The following EVC2 variants were observed in gnomAD, a reference collection of about 807,000 sequenced individuals.
EVC2 encodes limbin.
In EVC2, 148 loss-of-function variants were observed where a neutral mutation model predicts 149.3. That is an observed-to-expected ratio of 0.99 (90% confidence interval 0.87 to 1.14). The LOEUF is 1.14. EVC2 is among the 50% of genes most tolerant of loss of function. The probability of loss-of-function intolerance (pLI) is 0.00; values close to 1 mark genes in which losing one functional copy is unlikely to be tolerated. For synonymous variants in EVC2, 776 were observed against 649.9 expected (o/e 1.19, Z -2.95); for missense variants, 1,854 against 1,627.3 (o/e 1.14, Z -2.40).
intron 3 of EVC2, among the ~76,000 whole-genome samples, chr4:5,692,941 T>C (rs542536339): frequency 7.4e-6 from 1 of 135,602 alleles, no homozygotes; most frequent in Non-Finnish European, 1.6e-5. Context: ...ACGCGGACAA[T>C]ATGCAACAGC....
chr4:5,708,527 C>G lies in EVC2; in HGVS notation c.-14G>C. Reference sequence around the variant, plus strand: ...CGAGGGGTCCATCGCCTGTCGGGACCCGCTACCTCAAAGCGGCGGGTGCCG... The same window carrying G: ...CGAGGGGTCCATCGCCTGTCGGGACGCGCTACCTCAAAGCGGCGGGTGCCG... On this transcript the variant is annotated 5_prime_UTR_variant, in exon 1 of 22. Coordinates refer to ENST00000344408, the MANE Select transcript of EVC2 (RefSeq NM_147127.5). 1 of 1,438,588 alleles carries G rather than the reference C, an allele frequency of 7.0e-7. No individual in the cohort carries two copies. The highest frequency in any genetic ancestry group is 9.1e-7 in the Non-Finnish European group (1 of 1,102,590). 89.1% of individuals were successfully genotyped at this position (1,438,588 alleles called of 1,614,324 possible).
chr4:5,538,388 T>C (rs1026547177), downstream of EVC2, among the ~76,000 whole-genome samples: 2 of 152,120 alleles, frequency 1.3e-5, no homozygotes. Flanking sequence ...TTTGAACAAA[T>C]ATTTAAGGAA....
In EVC2 at chr4:5,636,448, G is replaced by A. The variant is rs1716895561; in HGVS notation, c.1470+4066C>T. Reference sequence around the variant, plus strand: ...ACATACAGACTATTTTTTTCTTGTTGTTATTCCCTAAACAACATTCCCTAA... The same window carrying A: ...ACATACAGACTATTTTTTTCTTGTTATTATTCCCTAAACAACATTCCCTAA... On this transcript the variant is annotated intron_variant, in intron 10 of 21. Coordinates refer to ENST00000344408, the MANE Select transcript of EVC2 (RefSeq NM_147127.5). This position sits in a 1 kb window ranked among gnomAD's most constrained non-coding sequence, Gnocchi z 4.6. Among the ~76,000 whole-genome samples, 1 of 151,892 alleles carries A rather than the reference G, an allele frequency of 6.6e-6. No individual in the cohort carries two copies.
At chr4:5,655,877 C>A (rs985739999) in intron 9 of EVC2, among the ~76,000 whole-genome samples, 9 of 152,178 alleles carry the variant, frequency 5.9e-5, no homozygotes, top group Middle Eastern at 3.4e-3. Flanking sequence ...GTAAAACTGA[C>A]CACCACCCCA....
chr4:5,595,834 C>T (rs1713355035), intron 16 of EVC2, among the ~76,000 whole-genome samples: 1 of 152,170 alleles, frequency 6.6e-6, no homozygotes, highest in African/African-American at 2.4e-5. Flanking sequence ...ATCTCACATG[C>T]AGAGACACAC....
chr4:5,574,614 T>TG, intron 19 of EVC2, 71 bp downstream of exon 19: 1 of 1,471,648 alleles, frequency 6.8e-7, no homozygotes. Context: ...TGAGGAAATG[T>TG]GGATTCTGAG....
chr4:5,688,912 C>G (rs1296581699), intron 5 of EVC2, among the ~76,000 whole-genome samples: 1 of 152,108 alleles, frequency 6.6e-6, no homozygotes, highest in Non-Finnish European at 1.5e-5. Flanking sequence ...AAATTTCCCA[C>G]AACTCTTTCC....
downstream of EVC2, among the ~76,000 whole-genome samples, chr4:5,538,063 G>GAAAAAAAAAAA (rs34937866): frequency 1.8e-5 from 2 of 112,336 alleles, no homozygotes; most frequent in African/African-American, 3.4e-5. Flanking sequence ...GAAAGAAATA[G>GAAAAAAAAAAA]AAAAAAAAAA....
Position 5,562,563 on chromosome 4 carries a change from T to G in EVC2, c.*285A>C. ...AGACCATAGCTTCTGCAGCAGAGGA[T>G]GGGGTGTGGATTGCAGGGTGGGGGT... On this transcript the variant is annotated 3_prime_UTR_variant, in exon 22 of 22. Transcript: ENST00000344408. The surrounding 1 kb of genome is among the most constrained non-coding windows in gnomAD (Gnocchi z 4.3). The G allele has an allele frequency of 1.7e-5, 22 of 1,311,628 alleles. No individual in the cohort carries two copies. The highest frequency in any genetic ancestry group is 6.7e-5 in the Admixed American group (2 of 29,844). 81.2% of individuals were successfully genotyped at this position (1,311,628 alleles called of 1,614,324 possible).
At chr4:5,687,543 G>A (rs1360749311) in intron 5 of EVC2, among the ~76,000 whole-genome samples, 1 of 152,148 alleles carries the variant, frequency 6.6e-6, no homozygotes, top group African/African-American at 2.4e-5. Flanking sequence ...GAAGGGGCAG[G>A]TAGTCTCTGT....
intron 1 of EVC2, among the ~76,000 whole-genome samples, chr4:5,701,336 T>G (rs531149769): frequency 3.9e-5 from 6 of 152,224 alleles, no homozygotes; most frequent in Admixed American, 1.3e-4. Context: ...TTGTATAATG[T>G]CAATTCCCAT....
chr4:5,646,972 G>A (rs1717764158), intron 9 of EVC2, among the ~76,000 whole-genome samples: 1 of 152,140 alleles, frequency 6.6e-6, no homozygotes. Context: ...TATACCTTGC[G>A]GGAACCTTGG....
At chr4:5,616,569 C>T (rs565206622) in intron 15 of EVC2, among the ~76,000 whole-genome samples, 2 of 152,322 alleles carry the variant, frequency 1.3e-5, no homozygotes, top group East Asian at 1.9e-4. Context: ...AACATTGCTC[C>T]ACCTGGCCCC....
Position 5,544,984 on chromosome 4 carries a change from T to C in EVC2, c.3420-1772A>G, listed in dbSNP as rs1484433255. On this transcript the variant is annotated intron_variant and NMD_transcript_variant, in intron 21 of 22. Transcript: ENST00000475313. Reference sequence around the variant, plus strand: ...CACCTCAAGCCTGAGCACATGCTGTTCCTTCTGCTTCCAACACCCTTCACT... The same window carrying C: ...CACCTCAAGCCTGAGCACATGCTGTCCCTTCTGCTTCCAACACCCTTCACT... 3.3e-5 allele frequency among the ~76,000 whole-genome samples: 5 copies of C among 152,156 alleles called. No individual in the cohort carries two copies. The East Asian group carries it at 9.6e-4, about 29-fold the overall frequency.
chr4:5,628,788 A>C, intron 11 of EVC2, 54 bp from the exon 12 acceptor site: 7 of 1,525,098 alleles, frequency 4.6e-6, no homozygotes, highest in Non-Finnish European at 6.3e-6. Flanking sequence ...TTTAGAGCAT[A>C]ATCTTTCTAG....
chr4:5,574,956 C>A (rs1722835979), intron 18 of EVC2, among the ~76,000 whole-genome samples, 184 bp from the exon 19 acceptor site: 1 of 152,176 alleles, frequency 6.6e-6, no homozygotes, highest in Admixed American at 6.5e-5. Flanking sequence ...TTGCACATAA[C>A]ATGTCAAGGA....
chr4:5,539,293 T>C (rs1197413930), downstream of EVC2, among the ~76,000 whole-genome samples: 1 of 152,168 alleles, frequency 6.6e-6, no homozygotes, highest in Non-Finnish European at 1.5e-5. Flanking sequence ...AACATTTAAG[T>C]AAATGAAGAG....
intron 9 of EVC2, among the ~76,000 whole-genome samples, chr4:5,662,587 ATATT>A (rs1032622676): frequency 2.4e-4 from 34 of 144,234 alleles, no homozygotes; most frequent in African/African-American, 8.3e-4. Context: ...TATATTAATC[ATATT>A]TATTTTAATT....
In EVC2 at chr4:5,636,434, AT is replaced by A. The variant is rs1262220826; in HGVS notation, c.1470+4079del. Among the ~76,000 whole-genome samples, 5 of 152,150 alleles carry A rather than the reference AT, an allele frequency of 3.3e-5. No homozygotes were observed. Among genetic ancestry groups the A allele is most frequent in the African/African-American group, 1.2e-4 (5 of 41,512 alleles). On this transcript the variant is annotated intron_variant, in intron 10 of 21. Transcript: ENST00000344408. This position sits in a 1 kb window ranked among gnomAD's most constrained non-coding sequence, Gnocchi z 4.6. ...TGTGTGTATTGAACACATACAGACT[AT>A]TTTTTTCTTGTTGTTATTCCCTAAA... is the stretch of plus-strand genomic sequence containing the variant.
Sources: gnomAD v4.1 joint callset for allele counts (sites outside exome capture counted in the v4.1 genomes callset) on GRCh38, gnomAD v4.1.1 for gene constraint, Gnocchi (gnomAD v3.1) non-coding constraint, MANE v1.5 for transcripts, NCBI Gene and HGNC (gene_info 2026-07-23, HGNC 2026-07-21) for gene names.